PDS5B: variants seen among roughly 807,000 people sequenced by gnomAD.
The protein encoded by PDS5B is sister chromatid cohesion protein PDS5 homolog B.
A neutral mutation model predicts 184.1 loss-of-function variants in PDS5B; 51 were observed. The ratio of observed to expected loss-of-function variants is 0.28; its 90% CI spans 0.22 to 0.35. The LOEUF is 0.35. Ranked by LOEUF, PDS5B falls within the 10% of genes least tolerant of loss-of-function variation. PDS5B has a pLI of 1.00. For missense variants in PDS5B, 1,180 were observed against 1,723.3 expected (o/e 0.68, Z 5.58); for synonymous variants, 566 against 569.2 (o/e 0.99, Z 0.08).
chr13:32,603,509 T>G (rs996518434), intron 1 of PDS5B, among the ~76,000 whole-genome samples: 2 of 152,224 alleles, frequency 1.3e-5, no homozygotes, highest in Non-Finnish European at 2.9e-5. Context: ...CCTTGTAGTA[T>G]AGTTTGAAGT....
chr13:32,589,376 C>G (rs939518753), intron 1 of PDS5B, among the ~76,000 whole-genome samples: 2 of 152,050 alleles, frequency 1.3e-5, no homozygotes, highest in Non-Finnish European at 2.9e-5. Context: ...TTCATTTAAC[C>G]AAGAATAAAG....
chr13:32,763,965 T>C (rs1194810813), intron 30 of PDS5B, among the ~76,000 whole-genome samples: 1 of 152,174 alleles, frequency 6.6e-6, no homozygotes, highest in East Asian at 1.9e-4. Context: ...CCTGGACCTT[T>C]ATATGAATGC....
At chr13:32,592,326 C>G (rs924811628) in intron 1 of PDS5B, among the ~76,000 whole-genome samples, 6 of 149,412 alleles carry the variant, frequency 4.0e-5, no homozygotes, top group Non-Finnish European at 8.9e-5. Flanking sequence ...GTGATCTCGG[C>G]TCACTGCAGC....
intron 1 of PDS5B, among the ~76,000 whole-genome samples, chr13:32,639,038 AC>A (rs534206106): frequency 3.7e-5 from 5 of 136,700 alleles, no homozygotes; most frequent in South Asian, 2.6e-4. Flanking sequence ...AATTTTATCC[AC>A]CCCCCCACCC....
At chr13:32,773,889 T>C (rs9315179) in intron 34 of PDS5B, among the ~76,000 whole-genome samples, 59,037 of 152,008 alleles carry the variant, frequency 0.39, 11,984 homozygotes, top group Non-Finnish European at 0.45. Context: ...GTGCAACCTC[T>C]GCCTCCCAGA....
intron 17 of PDS5B, among the ~76,000 whole-genome samples, chr13:32,704,987 T>C (rs1951967225): frequency 6.6e-6 from 1 of 152,222 alleles, no homozygotes; most frequent in Non-Finnish European, 1.5e-5. Flanking sequence ...AAATAGTTTT[T>C]CAGTTGATTT....
At chr13:32,712,983 T>C (rs1463772938) in intron 19 of PDS5B, among the ~76,000 whole-genome samples, 1 of 152,214 alleles carries the variant, frequency 6.6e-6, no homozygotes, top group Non-Finnish European at 1.5e-5. Context: ...TGAGTTCCAT[T>C]GTGTCTCAGC....
intron 19 of PDS5B, 149 bp downstream of exon 19, chr13:32,710,255 C>T: frequency 4.0e-6 from 2 of 505,240 alleles, no homozygotes; most frequent in East Asian, 3.3e-5. Flanking sequence ...TTCTCCTTTC[C>T]TGGGAGAAAG....
intron 19 of PDS5B, among the ~76,000 whole-genome samples, chr13:32,726,576 C>T (rs1204055700): frequency 6.6e-6 from 1 of 152,164 alleles, no homozygotes. Flanking sequence ...TCCCCACAGC[C>T]TTGCCAGTAG....
At chr13:32,604,964 TTTC>T (rs2058037460) in intron 1 of PDS5B, among the ~76,000 whole-genome samples, 1 of 152,210 alleles carries the variant, frequency 6.6e-6, no homozygotes, top group Non-Finnish European at 1.5e-5. Context: ...TCTTCTCTCT[TTTC>T]TTCTTTGTTA....
intron 1 of PDS5B, among the ~76,000 whole-genome samples, chr13:32,619,431 A>G (rs754724354): frequency 3.3e-5 from 5 of 152,238 alleles, no homozygotes; most frequent in Admixed American, 6.5e-5. Flanking sequence ...ATCTAAACAT[A>G]CAAAAGGTAC....
At chr13:32,687,428 C>T in intron 12 of PDS5B, 143 bp downstream of exon 12, 1 of 577,500 alleles carries the variant, frequency 1.7e-6, no homozygotes, top group Non-Finnish European at 3.0e-6. Context: ...TGACTGGGCT[C>T]ATTCCCACCC....
At chr13:32,658,111 T>A in intron 3 of PDS5B, 128 bp from the exon 4 acceptor site, 1 of 468,192 alleles carries the variant, frequency 2.1e-6, no homozygotes, top group Non-Finnish European at 3.9e-6. Flanking sequence ...CCAAATAAAA[T>A]TTTTTTCTGG....
chr13:32,734,622 T>G (rs1231781299), intron 20 of PDS5B, among the ~76,000 whole-genome samples: 1 of 152,198 alleles, frequency 6.6e-6, no homozygotes, highest in Non-Finnish European at 1.5e-5. Flanking sequence ...GACTTCTCTT[T>G]AAATCCCACT....
intron 1 of PDS5B, among the ~76,000 whole-genome samples, chr13:32,610,369 A>G (rs1322109901): frequency 6.6e-6 from 1 of 152,236 alleles, no homozygotes; most frequent in Non-Finnish European, 1.5e-5. Context: ...TGAGGATTAG[A>G]TAAAATACCC....
At chr13:32,743,100 T>C (rs1302812778) in intron 23 of PDS5B, among the ~76,000 whole-genome samples, 1 of 151,986 alleles carries the variant, frequency 6.6e-6, no homozygotes, top group Non-Finnish European at 1.5e-5. Flanking sequence ...TATAAATAAA[T>C]GCATACTTTA....
intron 33 of PDS5B, among the ~76,000 whole-genome samples, chr13:32,772,615 C>G (rs1954827529): frequency 6.6e-6 from 1 of 152,080 alleles, no homozygotes; most frequent in South Asian, 2.1e-4. Flanking sequence ...TGAGAGTGGA[C>G]AGGTAGGCAA....
chr13:32,648,941 CA>C (rs1950295214), intron 2 of PDS5B, 61 bp downstream of exon 2: 2 of 807,064 alleles, frequency 2.5e-6, no homozygotes, highest in East Asian at 4.9e-5. Flanking sequence ...GTGGAAATCA[CA>C]TGGGGCTATA....
At chr13:32,666,076 A>ATTTG (rs943844130) in intron 6 of PDS5B, among the ~76,000 whole-genome samples, 4 of 151,904 alleles carry the variant, frequency 2.6e-5, no homozygotes, top group Admixed American at 1.3e-4. Context: ...TCTTTCTAGT[A>ATTTG]TTTGTTTGTT....
Sources: gnomAD v4.1 joint callset for allele counts (sites outside exome capture counted in the v4.1 genomes callset) on GRCh38, gnomAD v4.1.1 for gene constraint, MANE v1.5 for transcripts, NCBI Gene and HGNC (gene_info 2026-07-23, HGNC 2026-07-21) for gene names.